MAPK4: variants seen among roughly 807,000 people sequenced by gnomAD.
The protein encoded by MAPK4 is mitogen-activated protein kinase 4, also known as Erk3-related.
MAPK4 carries 22 observed loss-of-function variants against 47.7 expected under a neutral mutation model. The ratio of observed to expected loss-of-function variants is 0.46; its 90% CI spans 0.33 to 0.66. MAPK4 has a LOEUF of 0.66. Ranked by LOEUF, MAPK4 falls within the 30% of genes least tolerant of loss-of-function variation. The probability of loss-of-function intolerance (pLI) is 0.02; values close to 1 mark genes in which losing one functional copy is unlikely to be tolerated. For synonymous variants in MAPK4, 390 were observed against 365.7 expected, an observed-to-expected ratio of 1.07 and a Z score of -0.76; for missense variants, 736 against 831.7, an observed-to-expected ratio of 0.88 and a Z score of 1.42.
At chr18:50,632,142 C>A (rs1292518930) in intron 1 of MAPK4, among the ~76,000 whole-genome samples, 5 of 152,056 alleles carry the variant, frequency 3.3e-5, no homozygotes, top group Non-Finnish European at 7.4e-5. Flanking sequence ...GTATTTCATG[C>A]CGTTGAGGGG....
intron 3 of MAPK4, among the ~76,000 whole-genome samples, chr18:50,716,914 C>A (rs1910667214): frequency 6.6e-6 from 1 of 152,170 alleles, no homozygotes; most frequent in Non-Finnish European, 1.5e-5. Flanking sequence ...CCATTGCTTG[C>A]CTGCTATTAA....
intron 2 of MAPK4, among the ~76,000 whole-genome samples, chr18:50,712,447 CA>C (rs1334873817): frequency 6.6e-6 from 1 of 150,878 alleles, no homozygotes; most frequent in African/African-American, 2.4e-5. Context: ...CAAAAACAAA[CA>C]AAAAATCCAC....
intron 2 of MAPK4, among the ~76,000 whole-genome samples, chr18:50,702,587 A>G (rs1909850567): frequency 6.6e-6 from 1 of 152,196 alleles, no homozygotes; most frequent in South Asian, 2.1e-4. Flanking sequence ...CTGATTAAAC[A>G]TAAATATTCA....
chr18:50,664,250 TTCA>T lies in MAPK4; in HGVS notation c.293_295del (p.Phe98_Ser99delinsCys), dbSNP rs1381517624. 4 of 1,613,756 alleles carry T rather than the reference TTCA, an allele frequency of 2.5e-6. No homozygotes were observed. The highest frequency in any genetic ancestry group is 3.4e-6 in the Non-Finnish European group (4 of 1,179,998). On this transcript the variant is annotated inframe_deletion, in exon 2 of 6. Coordinates refer to ENST00000400384, the MANE Select transcript of MAPK4 (RefSeq NM_002747.4). This position sits in a 1 kb window ranked among gnomAD's most constrained non-coding sequence, Gnocchi z 6.0. ...TGACCTGCAGGGTGAGCTGTTCAAGTTCAGCGTGGCGTACATCGTCCAGGAGTA... is the reference window on the plus strand; with the variant it reads ...TGACCTGCAGGGTGAGCTGTTCAAGTGCGTGGCGTACATCGTCCAGGAGTA...
chr18:50,594,232 C>A (rs1439570452), intron 1 of MAPK4, among the ~76,000 whole-genome samples: 3 of 152,202 alleles, frequency 2.0e-5, no homozygotes, highest in South Asian at 2.1e-4. Flanking sequence ...TGCCCACCCA[C>A]ACTGAGGGTG....
intron 1 of MAPK4, among the ~76,000 whole-genome samples, chr18:50,604,728 A>G (rs1211771362): frequency 6.6e-6 from 1 of 152,238 alleles, no homozygotes; most frequent in African/African-American, 2.4e-5. Flanking sequence ...AGTATGAGGG[A>G]AAGAGCATGG....
At position 50,672,260 on chromosome 18, in the gene MAPK4, A is replaced by G. The variant is rs372711848; in HGVS notation, c.546+7756A>G. ...ATCCGCGGAGGCTGGATTTCATGGG[A>G]AAATGAGCTTGTGGAAGGGCACTTT... On this transcript the variant is annotated intron_variant, in intron 2 of 5. Transcript: ENST00000400384. Among the ~76,000 whole-genome samples the G allele has an allele frequency of 3.4e-3, 512 of 152,306 alleles. 2 individuals are homozygous for G. The highest frequency in any genetic ancestry group is 0.01 in the African/African-American group (436 of 41,578).
chr18:50,702,817 C>A (rs920085313), intron 2 of MAPK4, among the ~76,000 whole-genome samples: 4 of 152,104 alleles, frequency 2.6e-5, no homozygotes, highest in African/African-American at 4.8e-5. Context: ...TGAAGACAGT[C>A]CCCTGATTCA....
chr18:50,592,486 C>T (rs1402679959), intron 1 of MAPK4, among the ~76,000 whole-genome samples: 1 of 149,876 alleles, frequency 6.7e-6, no homozygotes, highest in African/African-American at 2.5e-5. Flanking sequence ...CTCAGCCCAG[C>T]AGAAGCAGCC....
chr18:50,704,749 G>T (rs2144395788), intron 2 of MAPK4: 1 of 398,660 alleles, frequency 2.5e-6, no homozygotes, highest in South Asian at 1.3e-4. Context: ...GGACTATGTT[G>T]TGTCGTTACC....
At chr18:50,723,871 A>C (rs1911059454) in intron 4 of MAPK4, among the ~76,000 whole-genome samples, 1 of 151,744 alleles carries the variant, frequency 6.6e-6, no homozygotes, top group African/African-American at 2.4e-5. Flanking sequence ...TCTCAAAAAA[A>C]AAAAAAAAAG....
At chr18:50,658,529 C>T (rs560040887) in intron 1 of MAPK4, among the ~76,000 whole-genome samples, 1 of 152,328 alleles carries the variant, frequency 6.6e-6, no homozygotes, top group East Asian at 1.9e-4. Flanking sequence ...CAGGTGAAGC[C>T]GTTGGCCTCT....
intron 2 of MAPK4, among the ~76,000 whole-genome samples, chr18:50,695,155 G>A (rs1023226483): frequency 6.6e-6 from 1 of 151,912 alleles, no homozygotes; most frequent in African/African-American, 2.4e-5. Flanking sequence ...AGACCAGCCT[G>A]GCCAACGTGA....
At chr18:50,597,179 GC>G (rs1183719734) in intron 1 of MAPK4, among the ~76,000 whole-genome samples, 1 of 152,284 alleles carries the variant, frequency 6.6e-6, no homozygotes, top group East Asian at 1.9e-4. Context: ...GAGAAAAGAA[GC>G]CTTCTGGACC....
At chr18:50,665,142 T>C (rs752280829) in intron 2 of MAPK4, among the ~76,000 whole-genome samples, 5 of 152,226 alleles carry the variant, frequency 3.3e-5, no homozygotes, top group Non-Finnish European at 7.3e-5. Flanking sequence ...CGATTCCCCG[T>C]GGTGGGTGCT....
At chr18:50,587,246 C>G (rs28523430) in intron 1 of MAPK4, among the ~76,000 whole-genome samples, 2 of 152,042 alleles carry the variant, frequency 1.3e-5, no homozygotes, top group Non-Finnish European at 2.9e-5. Flanking sequence ...GAATGGGATT[C>G]GTGCCCTTAT....
chr18:50,633,447 C>T (rs1245174418), intron 1 of MAPK4, among the ~76,000 whole-genome samples: 1 of 152,162 alleles, frequency 6.6e-6, no homozygotes, highest in African/African-American at 2.4e-5. Flanking sequence ...GCATTCATCC[C>T]AGTTGATGTA....
intron 1 of MAPK4, among the ~76,000 whole-genome samples, chr18:50,618,939 C>T (rs531912152): frequency 3.3e-5 from 5 of 149,906 alleles, no homozygotes; most frequent in South Asian, 4.2e-4. Context: ...GTACCTGGCC[C>T]GGGTAACTGC....
In MAPK4 at chr18:50,717,600, G is replaced by A. The variant is rs554927108; in HGVS notation, c.691+2377G>A. ...GAATCCCACAAAATATAAGACAGCA[G>A]TGGCCCTTCTAGTATCCCCTAAGAG... On this transcript the variant is annotated intron_variant, in intron 3 of 5. Transcript: ENST00000400384. Among the ~76,000 whole-genome samples, 13 of 151,860 alleles carry A rather than the reference G, an allele frequency of 8.6e-5. No individual in the cohort carries two copies. The South Asian group carries it at 2.7e-3, about 32-fold the overall frequency.
Sources: gnomAD v4.1 joint callset for allele counts (sites outside exome capture counted in the v4.1 genomes callset) on GRCh38, gnomAD v4.1.1 for gene constraint, Gnocchi (gnomAD v3.1) non-coding constraint, MANE v1.5 for transcripts, NCBI Gene and HGNC (gene_info 2026-07-23, HGNC 2026-07-21) for gene names.